Variants in RBFOX1 observed in about 807,000 individuals in gnomAD.
RBFOX1 encodes the protein RNA binding protein fox-1 homolog 1.
In RBFOX1, 8 loss-of-function variants were observed where a neutral mutation model predicts 57.7. That is an observed-to-expected ratio of 0.14 (90% CI 0.08 to 0.25). RBFOX1 has a LOEUF of 0.25. Ranked by LOEUF, RBFOX1 falls within the 10% of genes least tolerant of loss-of-function variation. RBFOX1 has a pLI of 1.00. For synonymous variants in RBFOX1, 326 were observed against 222.4 expected (o/e 1.47, Z -4.15); for missense variants, 611 against 548.5 (o/e 1.11, Z -1.14).
intron 2 of RBFOX1, among the ~76,000 whole-genome samples, chr16:6,395,285 A>G (rs1567185436): frequency 1.3e-5 from 2 of 152,224 alleles, no homozygotes; most frequent in Admixed American, 6.5e-5. Context: ...GAAAATGCCA[A>G]CAAAGTCAGA....
intron 2 of RBFOX1, among the ~76,000 whole-genome samples, chr16:6,491,462 T>G (rs2095631213): frequency 6.6e-6 from 1 of 152,184 alleles, no homozygotes; most frequent in South Asian, 2.1e-4. Context: ...ATATAGAAGT[T>G]ACATCAATGT....
At chr16:5,759,783 C>A (rs947431385) in intron 3 of RBFOX1, among the ~76,000 whole-genome samples, 1 of 133,458 alleles carries the variant, frequency 7.5e-6, no homozygotes, top group African/African-American at 2.7e-5. Flanking sequence ...TAACAGTATT[C>A]CTCTCTGGGA....
chr16:6,936,320 T>C (rs1479940357), intron 3 of RBFOX1, among the ~76,000 whole-genome samples: 3 of 152,188 alleles, frequency 2.0e-5, no homozygotes, highest in South Asian at 2.1e-4. Context: ...ATGCAAGATA[T>C]TTGTTTTAAT....
rs188332073 is a variant in RBFOX1, at chr16:7,505,730, A to G, written c.28-12417A>G. ...GAGGCTGGTGTTTGTCAGCCATGGCAAGATGGCTTCCATCCTCTCTCTGTG... is the reference window on the plus strand; with the variant it reads ...GAGGCTGGTGTTTGTCAGCCATGGCGAGATGGCTTCCATCCTCTCTCTGTG... On this transcript the variant is annotated intron_variant, in intron 4 of 15. Transcript: ENST00000550418. 3.9e-5 allele frequency among the ~76,000 whole-genome samples: 6 copies of G among 152,324 alleles called. No homozygotes were observed. The East Asian group carries it at 1.2e-3, about 29-fold the overall frequency.
Position 5,967,233 on chromosome 16 carries a change from C to A in RBFOX1, c.351+99898C>A, listed in dbSNP as rs539870106. 2.0e-5 allele frequency among the ~76,000 whole-genome samples: 3 copies of A among 152,204 alleles called. No homozygotes were observed. In the East Asian group the frequency reaches 5.8e-4, roughly 29 times the overall value. Reference sequence around the variant, plus strand: ...CAGGACTAGACCAGAGGTCTGAAAGCTTTTTTGATCTACTAATCCCTAAAA... The same window carrying A: ...CAGGACTAGACCAGAGGTCTGAAAGATTTTTTGATCTACTAATCCCTAAAA... On this transcript the variant is annotated intron_variant, in intron 4 of 19. Coordinates refer to the RBFOX1 transcript ENST00000641259.
chr16:6,915,527 T>G (rs2072914643), intron 3 of RBFOX1, among the ~76,000 whole-genome samples: 1 of 150,386 alleles, frequency 6.6e-6, no homozygotes, highest in Admixed American at 6.8e-5. Context: ...CTATTTTTTC[T>G]AAGTCCTCAC....
At chr16:6,667,754 T>C (rs1160356702) in intron 3 of RBFOX1, among the ~76,000 whole-genome samples, 2 of 152,056 alleles carry the variant, frequency 1.3e-5, no homozygotes, top group African/African-American at 2.4e-5. Context: ...TTAGGCATGA[T>C]GGTGCGTGCC....
At chr16:7,558,824 T>C (rs1242841499) in intron 5 of RBFOX1, among the ~76,000 whole-genome samples, 2 of 152,188 alleles carry the variant, frequency 1.3e-5, no homozygotes, top group East Asian at 1.9e-4. Flanking sequence ...CTGAGAGCAC[T>C]TGTGAAATAA....
intron 3 of RBFOX1, among the ~76,000 whole-genome samples, chr16:6,765,142 A>G (rs2154201712): frequency 6.6e-6 from 1 of 152,220 alleles, no homozygotes; most frequent in South Asian, 2.1e-4. Flanking sequence ...ACGACAGGGA[A>G]TCTGTGAACA....
At chr16:6,757,932 TA>T in intron 3 of RBFOX1, among the ~76,000 whole-genome samples, 1 of 152,280 alleles carries the variant, frequency 6.6e-6, no homozygotes, top group Non-Finnish European at 1.5e-5. Context: ...TATGCATTAG[TA>T]AAAAAAGATT....
chr16:7,389,390 C>G (rs1200233573), intron 4 of RBFOX1, among the ~76,000 whole-genome samples: 1 of 152,126 alleles, frequency 6.6e-6, no homozygotes, highest in Non-Finnish European at 1.5e-5. Flanking sequence ...CCTCCCAAAG[C>G]ACTTGGATTA....
At chr16:6,498,805 C>T (rs576209892) in intron 2 of RBFOX1, among the ~76,000 whole-genome samples, 2 of 152,072 alleles carry the variant, frequency 1.3e-5, no homozygotes, top group African/African-American at 4.8e-5. Flanking sequence ...TAGTGTTATT[C>T]CCACCTGCTA....
chr16:7,422,735 C>G (rs2098554422), intron 4 of RBFOX1: 1 of 152,136 alleles, frequency 6.6e-6, no homozygotes, highest in African/African-American at 2.4e-5. Flanking sequence ...AACCCCTCCC[C>G]TCCCATGTGT....
At chr16:7,092,902 G>A (rs1043461458) in intron 4 of RBFOX1, among the ~76,000 whole-genome samples, 1 of 152,070 alleles carries the variant, frequency 6.6e-6, no homozygotes, top group Admixed American at 6.5e-5. Context: ...GTGCACTGGA[G>A]GCCTAAGTGT....
chr16:6,872,415 C>A (rs182210896), intron 3 of RBFOX1, among the ~76,000 whole-genome samples: 3 of 152,138 alleles, frequency 2.0e-5, no homozygotes, highest in East Asian at 3.9e-4. Context: ...TAATCGATCA[C>A]CTTTTAACAC....
chr16:5,648,313 T>G (rs1233623166), intron 3 of RBFOX1, among the ~76,000 whole-genome samples: 1 of 152,196 alleles, frequency 6.6e-6, no homozygotes, highest in African/African-American at 2.4e-5. Flanking sequence ...CTCACTTTCT[T>G]AGGTAGTGCA....
chr16:6,521,312 C>T (rs563760031), intron 2 of RBFOX1, among the ~76,000 whole-genome samples: 50 of 152,164 alleles, frequency 3.3e-4, no homozygotes, highest in African/African-American at 9.9e-4. Flanking sequence ...TTTCTGAAGC[C>T]CAAGACATCC....
chr16:5,640,929 ACT>A (rs1326617521), intron 3 of RBFOX1, among the ~76,000 whole-genome samples: 5 of 151,400 alleles, frequency 3.3e-5, no homozygotes, highest in African/African-American at 7.3e-5. Flanking sequence ...GTGCACATAC[ACT>A]CATGCACACC....
intron 4 of RBFOX1, among the ~76,000 whole-genome samples, chr16:7,264,532 C>G (rs1391310858): frequency 6.6e-6 from 1 of 152,178 alleles, no homozygotes; most frequent in African/African-American, 2.4e-5. Context: ...GTAGTCTCTG[C>G]CACAAGTATT....
Sources: gnomAD v4.1 joint callset for allele counts (sites outside exome capture counted in the v4.1 genomes callset) on GRCh38, gnomAD v4.1.1 for gene constraint, MANE v1.5 for transcripts, NCBI Gene and HGNC (gene_info 2026-07-23, HGNC 2026-07-21) for gene names.